The following ADAM10 variants were observed in gnomAD, a reference collection of about 807,000 sequenced individuals.
The protein encoded by ADAM10 is disintegrin and metalloproteinase domain-containing protein 10.
A neutral mutation model predicts 90.1 loss-of-function variants in ADAM10; 17 were observed. The ratio of observed to expected loss-of-function variants is 0.19; its 90% CI spans 0.13 to 0.28. ADAM10 has a LOEUF of 0.28. Ranked by LOEUF, ADAM10 falls within the 10% of genes least tolerant of loss-of-function variation. ADAM10 has a pLI of 1.00. For missense variants in ADAM10, 610 were observed against 914.3 expected, an observed-to-expected ratio of 0.67 and a Z score of 4.29; for synonymous variants, 310 against 298.6, an observed-to-expected ratio of 1.04 and a Z score of -0.40.
rs115531564 is a variant in ADAM10 at position 58,649,312 on chromosome 15, A to C, written c.586-3108T>G. On this transcript the variant is annotated intron_variant, in intron 5 of 15. Transcript: ENST00000260408. ...AGAACACTTAAATTACATTTTTCTC[A>C]CTCCAATTTTAACTCCCTCTATATC... is the stretch of plus-strand genomic sequence containing the variant. Among the ~76,000 whole-genome samples the C allele has an allele frequency of 5.1e-3, 776 of 152,140 alleles. 10 individuals carry two copies. Among genetic ancestry groups the C allele is most frequent in the African/African-American group, 0.018 (747 of 41,514 alleles).
intron 14 of ADAM10, among the ~76,000 whole-genome samples, chr15:58,604,732 T>C (rs577423735): frequency 6.6e-6 from 1 of 152,260 alleles, no homozygotes; most frequent in East Asian, 1.9e-4. Flanking sequence ...GATAGTCTTT[T>C]TAGTACCTAC....
chr15:58,655,673 C>CATATAT (rs1376201638), intron 5 of ADAM10, among the ~76,000 whole-genome samples: 1,715 of 80,966 alleles, frequency 0.021, 235 homozygotes, highest in East Asian at 0.091. Context: ...TACATACATA[C>CATATAT]ATACATATAT....
At chr15:58,680,113 G>A (rs775287050) in intron 3 of ADAM10, among the ~76,000 whole-genome samples, 40 of 151,976 alleles carry the variant, frequency 2.6e-4, no homozygotes, top group Non-Finnish European at 2.4e-4. Context: ...TTAGGGGTTT[G>A]TTTTGTGTTT....
At chr15:58,661,610 G>GT (rs1190248213) in intron 5 of ADAM10, among the ~76,000 whole-genome samples, 1 of 151,936 alleles carries the variant, frequency 6.6e-6, no homozygotes, top group Non-Finnish European at 1.5e-5. Flanking sequence ...TAATTTAATT[G>GT]TAACATACCC....
intron 4 of ADAM10, among the ~76,000 whole-genome samples, chr15:58,678,296 G>T (rs961585985): frequency 6.6e-6 from 1 of 152,118 alleles, no homozygotes; most frequent in Admixed American, 6.6e-5. Flanking sequence ...AGTCAAAATG[G>T]TTAATGCTTG....
At chr15:58,599,319 A>T (rs540189635) in intron 15 of ADAM10, among the ~76,000 whole-genome samples, 2,537 of 121,770 alleles carry the variant, frequency 0.021, 62 homozygotes, top group African/African-American at 0.085. Context: ...GAATATATTT[A>T]AAAAAAAAAA....
intron 1 of ADAM10, among the ~76,000 whole-genome samples, chr15:58,722,686 A>G (rs2140824734): frequency 6.7e-6 from 1 of 149,566 alleles, no homozygotes; most frequent in Non-Finnish European, 1.5e-5. Context: ...TATTTACACC[A>G]CCATGGAAAC....
intron 2 of ADAM10, among the ~76,000 whole-genome samples, chr15:58,702,738 A>T (rs1898169447): frequency 6.6e-6 from 1 of 152,276 alleles, no homozygotes; most frequent in Non-Finnish European, 1.5e-5. Context: ...CAGATAATTT[A>T]AAAATCAAAT....
chr15:58,612,302 T>C (rs1376386291), intron 11 of ADAM10, among the ~76,000 whole-genome samples: 1 of 152,150 alleles, frequency 6.6e-6, no homozygotes, highest in Non-Finnish European at 1.5e-5. Context: ...TAATAATGCC[T>C]TGGCCAAGTT....
intron 1 of ADAM10, among the ~76,000 whole-genome samples, chr15:58,742,819 G>A (rs758694491): frequency 2.0e-5 from 3 of 152,080 alleles, no homozygotes; most frequent in African/African-American, 7.2e-5. Flanking sequence ...GAGCATTAAC[G>A]ATCATTAATT....
rs1349033711 is a variant in ADAM10, at chr15:58,599,639, G to C, written c.2111C>G (p.Pro704Arg). 1 of 1,613,242 alleles carries C rather than the reference G, an allele frequency of 6.2e-7. No homozygotes were observed. Among genetic ancestry groups the C allele is most frequent in the South Asian group, 1.1e-5 (1 of 91,072 alleles). Residue 704 changes from proline to arginine, a missense_variant, in exon 15 of 16, where the codon CCA becomes CGA. Physicochemically the swap from Pro to Arg is moderately radical, Grantham distance 103. Transcript: ENST00000260408. ...GFIKICSVHTPSSNPKLPPPK... is the reference protein window; with the variant it reads ...GFIKICSVHTRSSNPKLPPPK... ...AGGAGGCAACTTTGGATTACTACTT[G>C]GAGTATGAACACTGCATATCTTAAT...
At position 58,593,300 on chromosome 15, in the gene ADAM10, C is replaced by T. The variant is rs1185610165; in HGVS notation, c.*4247G>A. ...GTTCAAGCAAATCTCCTGCCTCTGC[C>T]TCCCGGGTTCAAGCAAATCTCCTGC... On this transcript the variant is annotated 3_prime_UTR_variant, in exon 16 of 16. Coordinates refer to ENST00000260408, the MANE Select transcript of ADAM10 (RefSeq NM_001110.4). The T allele has an allele frequency of 2.6e-5, 4 of 151,506 alleles. No individual in the cohort carries two copies. Among genetic ancestry groups the T allele is most frequent in the Admixed American group, 2.6e-4 (4 of 15,194 alleles). The allele number at this position is 151,506 out of a possible 1,614,324, so 9.4% of individuals were successfully genotyped here.
chr15:58,695,646 A>AATATAATATATTTATATATAT (rs1200260093), intron 2 of ADAM10, among the ~76,000 whole-genome samples: 7 of 147,070 alleles, frequency 4.8e-5, no homozygotes, highest in African/African-American at 1.5e-4. Context: ...TTTAAGTTTT[A>AATATAATATATTTATATATAT]ATATAAGACC....
intron 2 of ADAM10, chr15:58,691,968 GC>G: frequency 2.3e-6 from 1 of 428,742 alleles, no homozygotes; most frequent in Non-Finnish European, 4.7e-6. Flanking sequence ...GAGCCACCAT[GC>G]CCAGCCGGCA....
In ADAM10 at chr15:58,660,125, C is replaced by A. The variant is rs181005498; in HGVS notation, c.585+4972G>T. Among the ~76,000 whole-genome samples the A allele has an allele frequency of 2.3e-4, 35 of 152,302 alleles. 1 individual carries two copies. The highest frequency in any genetic ancestry group is 6.8e-3 in the Middle Eastern group (2 of 294). ...TTAATTCATAGCATAATTAACTAAA[C>A]CCAATTTCTGTTCCATCATTTTATG... On this transcript the variant is annotated intron_variant, in intron 5 of 15. Transcript: ENST00000260408.
At chr15:58,728,928 G>A (rs1302104548) in intron 1 of ADAM10, among the ~76,000 whole-genome samples, 1 of 152,186 alleles carries the variant, frequency 6.6e-6, no homozygotes. Context: ...ATGACAACCA[G>A]TGACCACAGG....
At chr15:58,688,768 A>T (rs1347547432) in intron 2 of ADAM10, among the ~76,000 whole-genome samples, 5 of 118,608 alleles carry the variant, frequency 4.2e-5, no homozygotes, top group East Asian at 2.9e-4. Flanking sequence ...AAAAAAAATT[A>T]TATATATATA....
At chr15:58,674,755 G>A (rs1897273860) in intron 4 of ADAM10, among the ~76,000 whole-genome samples, 1 of 152,066 alleles carries the variant, frequency 6.6e-6, no homozygotes, top group African/African-American at 2.4e-5. Context: ...ATCTTGAAAT[G>A]GTAAAATAAA....
chr15:58,647,246 G>T (rs1416369527), intron 5 of ADAM10, among the ~76,000 whole-genome samples: 8 of 36,848 alleles, frequency 2.2e-4, no homozygotes, highest in Non-Finnish European at 3.5e-4. Flanking sequence ...TAGACACTAA[G>T]TATTTTTTTT....
Sources: gnomAD v4.1 joint callset for allele counts (sites outside exome capture counted in the v4.1 genomes callset) on GRCh38, gnomAD v4.1.1 for gene constraint, MANE v1.5 for transcripts, NCBI Gene and HGNC (gene_info 2026-07-23, HGNC 2026-07-21) for gene names.